CTIF: variants seen among roughly 807,000 people sequenced by gnomAD.
CTIF encodes the protein cap binding complex dependent translation initiation factor, also known as CBP80/20-dependent translation initiation factor.
In CTIF, 21 loss-of-function variants were observed where a neutral mutation model predicts 66.0. The observed-to-expected ratio is 0.32, with a 90% CI of 0.23 to 0.46. The LOEUF (loss-of-function observed/expected upper bound fraction) is 0.46. Ranked by LOEUF, CTIF falls within the 20% of genes least tolerant of loss-of-function variation. CTIF has a pLI of 1.00. For synonymous variants in CTIF, 345 were observed against 326.4 expected, an observed-to-expected ratio of 1.06 and a Z score of -0.62; for missense variants, 739 against 812.7, an observed-to-expected ratio of 0.91 and a Z score of 1.10.
In CTIF at chr18:48,592,386, A is replaced by G. The variant is rs561666515; in HGVS notation, c.-28-27152A>G. Reference sequence around the variant, plus strand: ...GTGGCGCATGCCTGTAATCCCAGCTACTCGGGAGGCTGAGGCAAGAGAATC... The same window carrying G: ...GTGGCGCATGCCTGTAATCCCAGCTGCTCGGGAGGCTGAGGCAAGAGAATC... On this transcript the variant is annotated intron_variant, in intron 1 of 11. Transcript: ENST00000256413. Among the ~76,000 whole-genome samples, 13 of 151,816 alleles carry G rather than the reference A, an allele frequency of 8.6e-5. No individual in the cohort carries two copies. In the South Asian group the frequency reaches 2.3e-3, roughly 27 times the overall value.
intron 10 of CTIF, among the ~76,000 whole-genome samples, chr18:48,849,627 C>A (rs565520775): frequency 2.8e-4 from 39 of 139,782 alleles, no homozygotes; most frequent in African/African-American, 1.1e-3. Context: ...CACTCTATCG[C>A]CAGGCTGGAA....
chr18:48,541,269 C>T (rs547753493), intron 1 of CTIF, among the ~76,000 whole-genome samples: 1 of 152,186 alleles, frequency 6.6e-6, no homozygotes, highest in Non-Finnish European at 1.5e-5. Flanking sequence ...CTCTGCGGCC[C>T]GAGGATTATC....
At chr18:48,652,835 A>G (rs2091180757) in intron 3 of CTIF, among the ~76,000 whole-genome samples, 1 of 152,254 alleles carries the variant, frequency 6.6e-6, no homozygotes, top group Non-Finnish European at 1.5e-5. Flanking sequence ...TATGCAAATC[A>G]ATAAATGTAA....
intron 9 of CTIF, among the ~76,000 whole-genome samples, chr18:48,768,243 G>A (rs762155967): frequency 3.3e-5 from 5 of 152,060 alleles, no homozygotes; most frequent in Non-Finnish European, 5.9e-5. Flanking sequence ...GACTGATATC[G>A]ATTCCTGGAG....
In CTIF at chr18:48,761,372, T is replaced by C. The variant is rs770680402; in HGVS notation, c.1072-18T>C. The stretch of plus-strand genomic sequence containing the variant: ...TCGGCTTCACTCAGGCACATTCATT[T>C]GTCTCCGACACCCCCAGGATGAAGT... On this transcript the variant is annotated intron_variant, in intron 8 of 11. Transcript: ENST00000256413. The surrounding 1 kb of genome is among the most constrained non-coding windows in gnomAD (Gnocchi z 4.2). 3 of 1,608,102 alleles carry C rather than the reference T, an allele frequency of 1.9e-6. No homozygotes were observed. The South Asian group carries it at 3.3e-5, about 18-fold the overall frequency.
At chr18:48,544,792 C>T (rs540019415) in intron 1 of CTIF, among the ~76,000 whole-genome samples, 8 of 152,298 alleles carry the variant, frequency 5.3e-5, no homozygotes, top group African/African-American at 1.2e-4. Flanking sequence ...GCAGTCGGTG[C>T]GAGCTTCACA....
At chr18:48,728,034 T>G (rs139758254) in intron 7 of CTIF, among the ~76,000 whole-genome samples, 2 of 152,320 alleles carry the variant, frequency 1.3e-5, no homozygotes, top group Non-Finnish European at 2.9e-5. Flanking sequence ...AGGCAGCCCC[T>G]GCAGGACCCT....
At chr18:48,675,705 C>T (rs1306340000) in intron 6 of CTIF, among the ~76,000 whole-genome samples, 2 of 152,258 alleles carry the variant, frequency 1.3e-5, no homozygotes, top group South Asian at 4.1e-4. Context: ...CTCCAGAGGG[C>T]CCGCCCCTCC....
chr18:48,542,205 G>C (rs558361727), intron 1 of CTIF, among the ~76,000 whole-genome samples: 3 of 152,254 alleles, frequency 2.0e-5, no homozygotes, highest in Non-Finnish European at 4.4e-5. Flanking sequence ...ATAATTTGCT[G>C]TTGGTGAATG....
chr18:48,827,086 C>G (rs941183297), intron 10 of CTIF, among the ~76,000 whole-genome samples: 1 of 152,020 alleles, frequency 6.6e-6, no homozygotes, highest in East Asian at 1.9e-4. Context: ...AAAGAGAGGG[C>G]CCGATGAGCG....
chr18:48,728,739 T>TGAGAGAGAGAGAGA lies in CTIF; in HGVS notation c.584+17055_584+17068dup, dbSNP rs138125305. On this transcript the variant is annotated intron_variant, in intron 7 of 11. Coordinates refer to ENST00000256413, the MANE Select transcript of CTIF (RefSeq NM_014772.3). ...GCCTGTGAAGGAGGGAGGGGGAGAGTGAGAGAGAGAGAGAGAGAGAGAGAA... is the reference window on the plus strand; with the variant it reads ...GCCTGTGAAGGAGGGAGGGGGAGAGTGAGAGAGAGAGAGAGAGAGAGAGAGAGAGAGAGAGAGAA... Among the ~76,000 whole-genome samples the TGAGAGAGAGAGAGA allele has an allele frequency of 3.7e-4, 51 of 139,202 alleles. 1 individual carries two copies. The highest frequency in any genetic ancestry group is 1.3e-3 in the African/African-American group (48 of 38,340). The allele number at this position is 139,202 out of a possible 152,430, so 91.3% of individuals were successfully genotyped here. A position where few individuals can be genotyped will look rare whatever the true frequency, so the allele number is the denominator to read the frequency against.
intron 10 of CTIF, among the ~76,000 whole-genome samples, chr18:48,856,562 G>A (rs1326094322): frequency 6.6e-6 from 1 of 152,198 alleles, no homozygotes; most frequent in South Asian, 2.1e-4. Flanking sequence ...CCTTACAATG[G>A]AATATTAGTC....
intron 8 of CTIF, 137 bp downstream of exon 8, chr18:48,758,542 C>T (rs1056842987): frequency 4.6e-5 from 52 of 1,131,690 alleles, no homozygotes; most frequent in East Asian, 1.2e-4. Flanking sequence ...GCAGGGGCTT[C>T]GGTCACTGTG....
At chr18:48,694,514 T>C (rs931075764) in intron 6 of CTIF, among the ~76,000 whole-genome samples, 1 of 152,250 alleles carries the variant, frequency 6.6e-6, no homozygotes, top group Non-Finnish European at 1.5e-5. Flanking sequence ...GTCAGATCAC[T>C]GTCTGCTACA....
At chr18:48,735,096 CGTGTGTGT>C (rs34150644) in intron 7 of CTIF, among the ~76,000 whole-genome samples, 10 of 149,748 alleles carry the variant, frequency 6.7e-5, no homozygotes, top group East Asian at 1.9e-4. Flanking sequence ...AGTTTGTGTG[CGTGTGTGT>C]GTGTGTGTGT....
At chr18:48,694,771 C>G (rs2091980906) in intron 6 of CTIF, among the ~76,000 whole-genome samples, 2 of 152,212 alleles carry the variant, frequency 1.3e-5, no homozygotes, top group Non-Finnish European at 2.9e-5. Context: ...TACAACCAGT[C>G]TCCTTAAAGC....
At chr18:48,837,837 C>T (rs1482675921) in intron 10 of CTIF, among the ~76,000 whole-genome samples, 1 of 152,164 alleles carries the variant, frequency 6.6e-6, no homozygotes, top group East Asian at 1.9e-4. Context: ...CCCTGAGCCC[C>T]TGCCCCCCAC....
chr18:48,741,274 G>GCCCCCCCC (rs759009342), intron 7 of CTIF, among the ~76,000 whole-genome samples: 11 of 99,990 alleles, frequency 1.1e-4, no homozygotes, highest in Non-Finnish European at 1.3e-4. Context: ...TCTTTACTCT[G>GCCCCCCCC]CCCCCGCCCC....
chr18:48,647,717 T>C (rs1171039743), intron 3 of CTIF, among the ~76,000 whole-genome samples: 1 of 152,166 alleles, frequency 6.6e-6, no homozygotes, highest in African/African-American at 2.4e-5. Context: ...GATAGAACTG[T>C]TTTTAGGGGG....
Sources: allele counts gnomAD v4.1 joint callset (sites outside exome capture counted in the v4.1 genomes callset), GRCh38; gene constraint gnomAD v4.1.1; non-coding constraint Gnocchi (gnomAD v3.1); transcripts MANE v1.5; gene names NCBI Gene and HGNC (gene_info 2026-07-23, HGNC 2026-07-21).